IFT52: variants seen among roughly 807,000 people sequenced by gnomAD.
IFT52 encodes the protein intraflagellar transport protein 52 homolog.
A neutral mutation model predicts 54.4 loss-of-function variants in IFT52; 44 were observed. The ratio of observed to expected loss-of-function variants is 0.81; its 90% confidence interval spans 0.63 to 1.04. The LOEUF (loss-of-function observed/expected upper bound fraction) is 1.04, where lower values mean the gene tolerates loss of function less well. IFT52 is among the 50% of genes least tolerant of loss of function. The pLI, the probability that IFT52 is intolerant of heterozygous loss-of-function variation, is 0.00. For missense variants in IFT52, 452 were observed against 523.6 expected (o/e 0.86, Z 1.33); for synonymous variants, 181 against 185.3 (o/e 0.98, Z 0.19).
rs202025679 is a variant in IFT52, at chr20:43,645,860, G to GT, written c.1267-1073dup. 5.4e-3 allele frequency among the ~76,000 whole-genome samples: 214 copies of GT among 39,572 alleles called. 72 individuals are homozygous for GT. Among genetic ancestry groups the GT allele is most frequent in the African/African-American group, 0.015 (199 of 13,302 alleles). The allele number at this position is 39,572 out of a possible 152,430, so 26.0% of individuals were successfully genotyped here. On this transcript the variant is annotated intron_variant, in intron 13 of 13. Coordinates refer to ENST00000373030, the MANE Select transcript of IFT52 (RefSeq NM_016004.5). Reference sequence around the variant, plus strand: ...ATCCAGGGTGATAGAGTGAGACCCTGTTTAAAAAAAAAAAAAAAAGATAGT... The same window carrying GT: ...ATCCAGGGTGATAGAGTGAGACCCTGTTTTAAAAAAAAAAAAAAAAGATAGT...
At chr20:43,624,457 A>G (rs1263968450) in intron 10 of IFT52, among the ~76,000 whole-genome samples, 3 of 152,198 alleles carry the variant, frequency 2.0e-5, no homozygotes, top group Non-Finnish European at 4.4e-5. Context: ...AGGAAAAGGA[A>G]TGATAAATGG....
chr20:43,638,354 C>G (rs1280027515), intron 12 of IFT52, among the ~76,000 whole-genome samples: 1 of 152,086 alleles, frequency 6.6e-6, no homozygotes, highest in Non-Finnish European at 1.5e-5. Context: ...CCACGCATGG[C>G]TAATTTTTGT....
chr20:43,641,724 GA>G (rs574135890), intron 12 of IFT52, among the ~76,000 whole-genome samples: 1 of 151,896 alleles, frequency 6.6e-6, no homozygotes, highest in Non-Finnish European at 1.5e-5. Flanking sequence ...TCGAACTCCT[GA>G]CCTCGTGATC....
At chr20:43,622,764 C>CATATTTTTATGT (rs1286794802) in intron 9 of IFT52, among the ~76,000 whole-genome samples, 7 of 51,078 alleles carry the variant, frequency 1.4e-4, no homozygotes, top group African/African-American at 8.0e-4. Flanking sequence ...TAAATATATA[C>CATATTTTTATGT]AAATTGTGTG....
At chr20:43,640,064 C>T (rs1985811534) in intron 12 of IFT52, among the ~76,000 whole-genome samples, 1 of 150,258 alleles carries the variant, frequency 6.7e-6, no homozygotes, top group South Asian at 2.1e-4. Context: ...CTCAGGAGGC[C>T]CAGGTGGGAG....
At chr20:43,622,762 TACAAA>T (rs1984420963) in intron 9 of IFT52, among the ~76,000 whole-genome samples, 2 of 55,096 alleles carry the variant, frequency 3.6e-5, no homozygotes, top group Admixed American at 1.5e-4. Flanking sequence ...TATAAATATA[TACAAA>T]TTGTGTGTAA....
chr20:43,601,689 A>G (rs1016346731), intron 3 of IFT52, among the ~76,000 whole-genome samples: 1 of 152,228 alleles, frequency 6.6e-6, no homozygotes, highest in African/African-American at 2.4e-5. Context: ...AGCAAAAGCT[A>G]TGTTCTGAGA....
At position 43,634,525 on chromosome 20, in the gene IFT52, G is replaced by A. The variant is rs189116797; in HGVS notation, c.924-1401G>A. Among the ~76,000 whole-genome samples the A allele has an allele frequency of 5.3e-3, 813 of 152,020 alleles. 5 individuals are homozygous for A. Among genetic ancestry groups the A allele is most frequent in the South Asian group, 0.011 (55 of 4,808 alleles). On this transcript the variant is annotated intron_variant, in intron 10 of 13. Coordinates refer to ENST00000373030, the MANE Select transcript of IFT52 (RefSeq NM_016004.5). Reference sequence around the variant, plus strand: ...TTTCATTGAAATCCCCTTGAAATACGTTAACATATTCTGATCTAAAATGAA... The same window carrying A: ...TTTCATTGAAATCCCCTTGAAATACATTAACATATTCTGATCTAAAATGAA...
intron 2 of IFT52, 135 bp from the exon 3 acceptor site, chr20:43,596,300 T>G (rs576440784): frequency 3.4e-6 from 2 of 586,200 alleles, no homozygotes; most frequent in Non-Finnish European, 6.0e-6. Flanking sequence ...GGAGAGAGAC[T>G]GGACCAGTTA....
At chr20:43,595,111 C>G (rs529951703) in intron 2 of IFT52, among the ~76,000 whole-genome samples, 4 of 150,946 alleles carry the variant, frequency 2.6e-5, no homozygotes, top group Non-Finnish European at 4.4e-5. Context: ...GTCATGGGTT[C>G]GAGACAAGCC....
At chr20:43,607,797 G>A in intron 6 of IFT52, among the ~76,000 whole-genome samples, 1 of 152,070 alleles carries the variant, frequency 6.6e-6, no homozygotes, top group Non-Finnish European at 1.5e-5. Context: ...AAGACAGGCG[G>A]CTGGGAGGTG....
intron 12 of IFT52, among the ~76,000 whole-genome samples, chr20:43,639,133 T>C (rs1248202834): frequency 1.3e-5 from 2 of 150,434 alleles, no homozygotes; most frequent in Non-Finnish European, 2.9e-5. Flanking sequence ...ATATTAATTA[T>C]AGCATTCAAA....
intron 3 of IFT52, among the ~76,000 whole-genome samples, chr20:43,598,447 C>T (rs933116204): frequency 1.3e-5 from 2 of 152,142 alleles, no homozygotes; most frequent in Admixed American, 1.3e-4. Context: ...GTAATCCCAG[C>T]ACTTTGGGAG....
At chr20:43,598,007 C>T (rs912863334) in intron 3 of IFT52, among the ~76,000 whole-genome samples, 10 of 151,792 alleles carry the variant, frequency 6.6e-5, no homozygotes, top group African/African-American at 2.2e-4. Context: ...TTCCTAGCAG[C>T]GCTATTCACA....
intron 1 of IFT52, among the ~76,000 whole-genome samples, chr20:43,593,429 A>G (rs1457898960): frequency 2.6e-5 from 4 of 152,234 alleles, no homozygotes; most frequent in South Asian, 4.1e-4. Context: ...CAAATATGCA[A>G]ATTGCAGAAA....
chr20:43,642,490 G>T lies in IFT52; in HGVS notation c.1132G>T (p.Asp378Tyr). ...AQITNKCTEE[D>Y]LEFYVRKCGD... Reference sequence around the variant, plus strand: ...TCCAACTGTCTTAGGTACTGAAGAAGACCTGGAATTTTATGTCAGGAAGTG... The same window carrying T: ...TCCAACTGTCTTAGGTACTGAAGAATACCTGGAATTTTATGTCAGGAAGTG... The change falls in exon 13 of 14, where the codon GAC becomes TAC. Residue 378 changes from aspartate (D) to tyrosine (Y), a missense_variant. By Grantham distance (160) the Asp-to-Tyr change is radical. Coordinates refer to ENST00000373030, the MANE Select transcript of IFT52 (RefSeq NM_016004.5). 2 of 1,614,086 alleles carry T rather than the reference G, an allele frequency of 1.2e-6. No homozygotes were observed. The highest frequency in any genetic ancestry group is 8.5e-7 in the Non-Finnish European group (1 of 1,179,954).
intron 10 of IFT52, among the ~76,000 whole-genome samples, chr20:43,630,890 G>A (rs1056329805): frequency 2.0e-5 from 3 of 152,236 alleles, no homozygotes; most frequent in Non-Finnish European, 2.9e-5. Flanking sequence ...GGCAGGTGGT[G>A]AGCAGAGTGG....
In IFT52 at chr20:43,637,184, C is replaced by T. The variant is rs755191500; in HGVS notation, c.1051C>T (p.Leu351=). The change falls in exon 12 of 14, where the codon CTG becomes TTG. Residue 351 remains leucine, a synonymous_variant. Transcript: ENST00000373030. ...PSFRELPPPP[L]ELFDLDETFS... The stretch of plus-strand genomic sequence containing the variant: ...TTTCCGGGAGTTACCACCTCCTCCT[C>T]TGGAGCTATTTGATTTAGATGAAAC... 6 of 1,611,432 alleles carry T rather than the reference C, an allele frequency of 3.7e-6. No homozygotes were observed. The highest frequency in any genetic ancestry group is 5.1e-6 in the Non-Finnish European group (6 of 1,179,044).
intron 3 of IFT52, among the ~76,000 whole-genome samples, chr20:43,600,954 A>C (rs1982396288): frequency 6.6e-6 from 1 of 152,122 alleles, no homozygotes; most frequent in African/African-American, 2.4e-5. Context: ...TGACAGAGCA[A>C]GACTTCATCT....
Sources: gnomAD v4.1 joint callset for allele counts (sites outside exome capture counted in the v4.1 genomes callset) on GRCh38, gnomAD v4.1.1 for gene constraint, MANE v1.5 for transcripts, NCBI Gene and HGNC (gene_info 2026-07-23, HGNC 2026-07-21) for gene names.